The following ZNF423 variants were observed in gnomAD, a reference collection of about 807,000 sequenced individuals.
ZNF423 encodes the protein zinc finger protein 423, also known as Ebf-associated zinc finger protein.
A neutral mutation model predicts 95.8 loss-of-function variants in ZNF423; 12 were observed. The ratio of observed to expected loss-of-function variants is 0.13; its 90% confidence interval spans 0.08 to 0.20. The LOEUF (loss-of-function observed/expected upper bound fraction) is 0.20. ZNF423 is among the 10% of genes least tolerant of loss of function. ZNF423 has a pLI of 1.00. For synonymous variants in ZNF423, 749 were observed against 711.9 expected, an observed-to-expected ratio of 1.05 and a Z score of -0.83; for missense variants, 1,316 against 1,737.1, an observed-to-expected ratio of 0.76 and a Z score of 4.31.
chr16:49,572,499 G>A (rs935791350), intron 5 of ZNF423, among the ~76,000 whole-genome samples: 6 of 152,160 alleles, frequency 3.9e-5, no homozygotes, highest in East Asian at 1.9e-4. Flanking sequence ...CCAAAGGGCC[G>A]TAACATTGAT....
At chr16:49,491,369 A>G in intron 7 of ZNF423, 65 bp from the exon 8 acceptor site, 4 of 1,595,718 alleles carry the variant, frequency 2.5e-6, no homozygotes, top group Non-Finnish European at 3.4e-6. Flanking sequence ...CGTCCCTCCC[A>G]CTCAGTGCAT....
intron 3 of ZNF423, among the ~76,000 whole-genome samples, chr16:49,641,633 A>G (rs1186940441): frequency 6.6e-6 from 1 of 152,254 alleles, no homozygotes; most frequent in African/African-American, 2.4e-5. Flanking sequence ...ACACTCACTC[A>G]GAGCCAGAGC....
At chr16:49,686,157 G>C (rs932118650) in intron 3 of ZNF423, among the ~76,000 whole-genome samples, 1 of 152,168 alleles carries the variant, frequency 6.6e-6, no homozygotes, top group Non-Finnish European at 1.5e-5. Flanking sequence ...GCTCCACAGG[G>C]GGAGAGTCCA....
intron 5 of ZNF423, among the ~76,000 whole-genome samples, chr16:49,576,993 C>CCTGT (rs1597126987): frequency 6.6e-6 from 1 of 152,278 alleles, no homozygotes; most frequent in East Asian, 1.9e-4. Context: ...CAGGCAAGTC[C>CCTGT]CTGTTCTCAA....
intron 1 of ZNF423, among the ~76,000 whole-genome samples, chr16:49,846,861 C>A (rs1305435634): frequency 6.6e-6 from 1 of 152,194 alleles, no homozygotes; most frequent in Non-Finnish European, 1.5e-5. Flanking sequence ...CAAGGTTCTG[C>A]AGCCTCCAGG....
chr16:49,525,942 A>G (rs1968585332), intron 5 of ZNF423, among the ~76,000 whole-genome samples: 1 of 152,210 alleles, frequency 6.6e-6, no homozygotes, highest in Non-Finnish European at 1.5e-5. Flanking sequence ...CAACTAAACA[A>G]ATAATGTCTC....
chr16:49,551,826 G>A (rs1034983131), intron 5 of ZNF423, among the ~76,000 whole-genome samples: 17 of 152,184 alleles, frequency 1.1e-4, no homozygotes, highest in South Asian at 2.1e-4. Flanking sequence ...GAACAGCCAG[G>A]AAGGCATCTG....
At chr16:49,610,205 A>G (rs1383833991) in intron 5 of ZNF423, among the ~76,000 whole-genome samples, 1 of 152,206 alleles carries the variant, frequency 6.6e-6, no homozygotes, top group Non-Finnish European at 1.5e-5. Context: ...AAGTTTTCTA[A>G]ACAGAGAGGA....
chr16:49,557,335 C>T (rs1157005510), intron 5 of ZNF423, among the ~76,000 whole-genome samples: 2 of 152,208 alleles, frequency 1.3e-5, no homozygotes, highest in Non-Finnish European at 2.9e-5. Flanking sequence ...GCAGCCCCTG[C>T]CCGCTCCTCC....
At chr16:49,644,846 C>A (rs1359994148) in intron 3 of ZNF423, among the ~76,000 whole-genome samples, 4 of 151,972 alleles carry the variant, frequency 2.6e-5, no homozygotes, top group Non-Finnish European at 5.9e-5. Context: ...CAAGGACATT[C>A]CAGACCATGC....
chr16:49,536,500 T>C (rs1336733030), intron 5 of ZNF423, among the ~76,000 whole-genome samples: 1 of 146,182 alleles, frequency 6.8e-6, no homozygotes, highest in Non-Finnish European at 1.5e-5. Flanking sequence ...TGGAGTGCCA[T>C]AGTATGATCA....
chr16:49,694,889 T>G (rs1212503805), intron 3 of ZNF423, among the ~76,000 whole-genome samples: 1 of 152,240 alleles, frequency 6.6e-6, no homozygotes, highest in Non-Finnish European at 1.5e-5. Flanking sequence ...GAAATGTCTC[T>G]CTGCAACTAA....
At chr16:49,578,517 G>A (rs535721459) in intron 5 of ZNF423, among the ~76,000 whole-genome samples, 10 of 152,046 alleles carry the variant, frequency 6.6e-5, no homozygotes, top group Admixed American at 1.3e-4. Flanking sequence ...GGAGCCTCCC[G>A]CCACAGATGA....
chr16:49,800,033 T>A (rs2034557728), intron 1 of ZNF423, among the ~76,000 whole-genome samples: 1 of 152,150 alleles, frequency 6.6e-6, no homozygotes, highest in Admixed American at 6.5e-5. Context: ...CACTTGAGGC[T>A]AGGAGTTCGA....
At chr16:49,506,448 T>C (rs192392608) in intron 7 of ZNF423, among the ~76,000 whole-genome samples, 22 of 149,688 alleles carry the variant, frequency 1.5e-4, no homozygotes, top group African/African-American at 4.2e-4. Context: ...AGTGGGTGGA[T>C]GACAGATTGA....
At position 49,637,297 on chromosome 16, in the gene ZNF423, G is replaced by A. The variant is rs772931984; in HGVS notation, c.1879C>T (p.Arg627Trp). The change falls in exon 4 of 8, where the codon CGG (arginine) becomes TGG (tryptophan). Residue 627 changes from arginine to tryptophan, a missense_variant. By Grantham distance (101) the Arg-to-Trp change is moderately radical. Around this residue, in one of 6 missense-constraint regions of ZNF423, gnomAD observed 620 missense variants for 775.6 expected, o/e 0.80. Transcript: ENST00000563137. This position sits in a 1 kb window ranked among gnomAD's most constrained non-coding sequence, Gnocchi z 5.6. ...DVEVSSPKRQ[R>W]LSASANSISN... ...ATGGAGTTGGCGCTTGCTGAGAGCC[G>A]CTGCCGCTTCGGGGAAGACACCTCC... The A allele has an allele frequency of 1.1e-5, 18 of 1,614,208 alleles. No individual in the cohort carries two copies. Among genetic ancestry groups the A allele is most frequent in the Admixed American group, 1.7e-5 (1 of 60,030 alleles).
chr16:49,844,060 G>A (rs1353151622), intron 1 of ZNF423, among the ~76,000 whole-genome samples: 1 of 151,650 alleles, frequency 6.6e-6, no homozygotes, highest in Non-Finnish European at 1.5e-5. Context: ...CTGAAAGCCC[G>A]AGGTGGGAGA....
intron 5 of ZNF423, among the ~76,000 whole-genome samples, chr16:49,597,058 G>C (rs1971205503): frequency 1.3e-5 from 2 of 152,218 alleles, no homozygotes; most frequent in South Asian, 4.1e-4. Context: ...AGATCTCTCT[G>C]AAGGTCAGCC....
chr16:49,818,454 A>C (rs2034890010), intron 1 of ZNF423, among the ~76,000 whole-genome samples: 1 of 152,252 alleles, frequency 6.6e-6, no homozygotes, highest in Non-Finnish European at 1.5e-5. Flanking sequence ...GCATGCATAT[A>C]GTCCCAGCTA....
Sources: allele counts gnomAD v4.1 joint callset (sites outside exome capture counted in the v4.1 genomes callset), GRCh38; gene constraint gnomAD v4.1.1; regional missense constraint gnomAD v4.1.1; non-coding constraint Gnocchi (gnomAD v3.1); transcripts MANE v1.5; gene names NCBI Gene and HGNC (gene_info 2026-07-23, HGNC 2026-07-21).